The following SLCO3A1 variants were observed in gnomAD, a reference collection of about 807,000 sequenced individuals.
SLCO3A1 encodes PGE1 transporter.
In SLCO3A1, 27 loss-of-function variants were observed where a neutral mutation model predicts 63.1. That is an observed-to-expected ratio of 0.43 (90% CI 0.32 to 0.59). The LOEUF (loss-of-function observed/expected upper bound fraction) is 0.59. Ranked by LOEUF, SLCO3A1 falls within the 20% of genes least tolerant of loss-of-function variation. The pLI is 0.09. For synonymous variants in SLCO3A1, 473 were observed against 409.9 expected, an observed-to-expected ratio of 1.15 and a Z score of -1.86; for missense variants, 773 against 945.8, an observed-to-expected ratio of 0.82 and a Z score of 2.40.
Position 91,916,502 on chromosome 15 carries a change from TGAC to T in SLCO3A1, c.646+45_646+47del, listed in dbSNP as rs768831882. 1 of 1,427,094 alleles carries T rather than the reference TGAC, an allele frequency of 7.0e-7. No individual in the cohort carries two copies. Among genetic ancestry groups the T allele is most frequent in the South Asian group, 1.3e-5 (1 of 78,050 alleles). The allele number at this position is 1,427,094 out of a possible 1,614,324, so 88.4% of individuals were successfully genotyped here. A position where few individuals can be genotyped will look rare whatever the true frequency, so the allele number is the denominator to read the frequency against. ...GTATTAGCAAGAGACCAGGGTGTGT[TGAC>T]CATGGATAAAAGGTGGCCTGGTGGA... On this transcript the variant is annotated intron_variant, in intron 2 of 9. Coordinates refer to ENST00000318445, the MANE Select transcript of SLCO3A1 (RefSeq NM_013272.4). This position sits in a 1 kb window ranked among gnomAD's most constrained non-coding sequence, Gnocchi z 6.2.
At position 91,878,409 on chromosome 15, in the gene SLCO3A1, T is replaced by C. The variant is rs575576357; in HGVS notation, c.180+24321T>C. Among the ~76,000 whole-genome samples the C allele has an allele frequency of 3.3e-5, 5 of 152,272 alleles. No homozygotes were observed. The East Asian group carries it at 9.7e-4, about 29-fold the overall frequency. ...TAGGCCTTTTCAGTGGGCTCCAGGA[T>C]TGCAGATGTGTTCACTGTCCTTGGT... is the stretch of plus-strand genomic sequence containing the variant. On this transcript the variant is annotated intron_variant, in intron 1 of 9. Transcript: ENST00000318445.
At position 91,968,151 on chromosome 15, in the gene SLCO3A1, A is replaced by G. The variant is rs1173207151; in HGVS notation, c.646+51693A>G. On this transcript the variant is annotated intron_variant, in intron 2 of 9. Coordinates refer to ENST00000318445, the MANE Select transcript of SLCO3A1 (RefSeq NM_013272.4). The surrounding 1 kb of genome is among the most constrained non-coding windows in gnomAD (Gnocchi z 4.2). ...AGTGCGTGTCTCCTTTCTCAGACAG[A>G]GGACGTAATCATCCATGCCCACAGA... is the stretch of plus-strand genomic sequence containing the variant. Among the ~76,000 whole-genome samples, 1 of 152,136 alleles carries G rather than the reference A, an allele frequency of 6.6e-6. No homozygotes were observed. The highest frequency in any genetic ancestry group is 1.5e-5 in the Non-Finnish European group (1 of 68,024).
intron 9 of SLCO3A1, among the ~76,000 whole-genome samples, chr15:92,158,477 G>T (rs1957836678): frequency 6.6e-6 from 1 of 152,190 alleles, no homozygotes. Flanking sequence ...AGGGGGAGTG[G>T]TTATGGAGGG....
At chr15:91,917,911 G>C (rs1257313193) in intron 2 of SLCO3A1, among the ~76,000 whole-genome samples, 4 of 152,190 alleles carry the variant, frequency 2.6e-5, no homozygotes, top group African/African-American at 9.7e-5. Flanking sequence ...TTTCTGGTAG[G>C]AATAACAGGA....
intron 2 of SLCO3A1, among the ~76,000 whole-genome samples, chr15:92,092,152 A>G (rs2047485361): frequency 6.6e-6 from 1 of 151,978 alleles, no homozygotes; most frequent in African/African-American, 2.4e-5. Context: ...CTCACTTTCA[A>G]CTGTACTGTC....
chr15:92,011,972 C>G (rs1194913789), intron 2 of SLCO3A1, among the ~76,000 whole-genome samples: 1 of 152,252 alleles, frequency 6.6e-6, no homozygotes, highest in African/African-American at 2.4e-5. Flanking sequence ...GTAAACTTGT[C>G]ACAGCTGAAG....
Position 92,163,210 on chromosome 15 carries a change from CA to C in SLCO3A1, c.*83del, listed in dbSNP as rs1228930897. 3.3e-5 allele frequency: 47 copies of C among 1,441,612 alleles called. No homozygotes were observed. In the Admixed American group the frequency reaches 5.3e-4, roughly 16 times the overall value. The allele number at this position is 1,441,612 out of a possible 1,614,324, so 89.3% of individuals were successfully genotyped here. A position where few individuals can be genotyped will look rare whatever the true frequency, so the allele number is the denominator to read the frequency against. Reference sequence around the variant, plus strand: ...TTCTTAAAAAAAGAAAAAAAGGTTCCAAAAAAAACCAAAACTCAGTACACAC... The same window carrying C: ...TTCTTAAAAAAAGAAAAAAAGGTTCCAAAAAAACCAAAACTCAGTACACAC... On this transcript the variant is annotated 3_prime_UTR_variant, in exon 10 of 10. Transcript: ENST00000318445.
intron 2 of SLCO3A1, among the ~76,000 whole-genome samples, chr15:92,090,805 A>G (rs2047463728): frequency 6.6e-6 from 1 of 152,102 alleles, no homozygotes; most frequent in African/African-American, 2.4e-5. Context: ...CTATTTAACA[A>G]ACCCTTCCCT....
At chr15:91,931,788 A>AACACACACACACAC (rs112525299) in intron 2 of SLCO3A1, among the ~76,000 whole-genome samples, 3,308 of 144,146 alleles carry the variant, frequency 0.023, 73 homozygotes, top group East Asian at 0.093. Flanking sequence ...TAAGTGTGGA[A>AACACACACACACAC]ACACACACAC....
At chr15:91,867,288 T>A (rs913719110) in intron 1 of SLCO3A1, among the ~76,000 whole-genome samples, 11 of 152,204 alleles carry the variant, frequency 7.2e-5, no homozygotes, top group African/African-American at 2.2e-4. Context: ...CAAGCACAGC[T>A]TCCTCGCATG....
At chr15:91,992,172 G>A (rs1312447498) in intron 2 of SLCO3A1, among the ~76,000 whole-genome samples, 1 of 152,210 alleles carries the variant, frequency 6.6e-6, no homozygotes, top group Admixed American at 6.5e-5. Context: ...AAAGGCAAAT[G>A]TCAAGGTGAG....
intron 2 of SLCO3A1, among the ~76,000 whole-genome samples, chr15:92,001,647 A>G (rs1567060522): frequency 6.6e-6 from 1 of 152,214 alleles, no homozygotes; most frequent in Non-Finnish European, 1.5e-5. Context: ...ATGAAAAGAT[A>G]TAAAACAAAC....
At chr15:92,144,452 A>G (rs2048193671) in intron 7 of SLCO3A1, among the ~76,000 whole-genome samples, 1 of 152,188 alleles carries the variant, frequency 6.6e-6, no homozygotes, top group South Asian at 2.1e-4. Flanking sequence ...TAGATTGATG[A>G]TAGTCTCTAG....
chr15:91,996,227 G>T (rs1173840908), intron 2 of SLCO3A1, among the ~76,000 whole-genome samples: 1 of 152,012 alleles, frequency 6.6e-6, no homozygotes, highest in Non-Finnish European at 1.5e-5. Context: ...AATTGTTTAA[G>T]AAAGTAAATA....
At chr15:92,032,086 C>G (rs906717471) in intron 2 of SLCO3A1, among the ~76,000 whole-genome samples, 1 of 152,208 alleles carries the variant, frequency 6.6e-6, no homozygotes, top group Non-Finnish European at 1.5e-5. Context: ...TCAGTCTACC[C>G]TCATTCTTGG....
intron 2 of SLCO3A1, among the ~76,000 whole-genome samples, chr15:92,043,453 T>C (rs892165667): frequency 4.6e-5 from 7 of 152,188 alleles, no homozygotes; most frequent in African/African-American, 1.7e-4. Context: ...TGCCAGCCTC[T>C]CACTGGCCCA....
intron 2 of SLCO3A1, among the ~76,000 whole-genome samples, chr15:92,043,846 A>G (rs933538886): frequency 6.6e-6 from 1 of 152,006 alleles, no homozygotes; most frequent in Non-Finnish European, 1.5e-5. Flanking sequence ...AGATCGGTCC[A>G]GGGGAACTCA....
At chr15:91,921,403 G>A (rs1018194377) in intron 2 of SLCO3A1, among the ~76,000 whole-genome samples, 3 of 152,100 alleles carry the variant, frequency 2.0e-5, no homozygotes, top group Non-Finnish European at 4.4e-5. Context: ...GAATCTGGGG[G>A]AAGGAACACT....
intron 2 of SLCO3A1, among the ~76,000 whole-genome samples, chr15:92,044,964 C>G (rs552358864): frequency 6.6e-6 from 1 of 152,200 alleles, no homozygotes; most frequent in Admixed American, 6.5e-5. Flanking sequence ...ATCCTCTGAG[C>G]CTTGGCTCAA....
Sources: gnomAD v4.1 joint callset for allele counts (sites outside exome capture counted in the v4.1 genomes callset) on GRCh38, gnomAD v4.1.1 for gene constraint, Gnocchi (gnomAD v3.1) non-coding constraint, MANE v1.5 for transcripts, NCBI Gene and HGNC (gene_info 2026-07-23, HGNC 2026-07-21) for gene names.